PDE10A: variants seen among roughly 807,000 people sequenced by gnomAD.
The protein encoded by PDE10A is cAMP and cAMP-inhibited cGMP 3',5'-cyclic phosphodiesterase 10A.
Under a neutral mutation model 97.7 loss-of-function variants are expected in PDE10A, and 39 were observed. The ratio of observed to expected loss-of-function variants is 0.40; its 90% CI spans 0.31 to 0.52. PDE10A has a LOEUF of 0.52. Ranked by LOEUF, PDE10A falls within the 20% of genes least tolerant of loss-of-function variation. PDE10A has a pLI of 0.56. For missense variants in PDE10A, 731 were observed against 1,047.8 expected (o/e 0.70, Z 4.17); for synonymous variants, 371 against 376.8 (o/e 0.98, Z 0.18).
rs1395311884 is a variant in PDE10A, at chr6:165,396,606, C to T, written c.2077-147G>A. The stretch of plus-strand genomic sequence containing the variant: ...ATTATTATCCGTATTTCCATATGCA[C>T]TGGGATGTGCAGACATGACTTTGCA... On this transcript the variant is annotated intron_variant, in intron 13 of 21. Coordinates refer to ENST00000539869, the MANE Select transcript of PDE10A (RefSeq NM_001385079.1). 3 of 710,328 alleles carry T rather than the reference C, an allele frequency of 4.2e-6. No individual in the cohort carries two copies. The African/African-American group carries it at 5.4e-5, about 13-fold the overall frequency. The allele number at this position is 710,328 out of a possible 1,614,324, so 44.0% of individuals were successfully genotyped here.
chr6:165,919,479 C>T (rs1462131250), intron 1 of PDE10A, among the ~76,000 whole-genome samples: 1 of 152,192 alleles, frequency 6.6e-6, no homozygotes, highest in East Asian at 1.9e-4. Context: ...CACTTTCTAG[C>T]CTGGAGTCAG....
intron 1 of PDE10A, among the ~76,000 whole-genome samples, chr6:165,955,091 C>A (rs1337792393): frequency 1.3e-5 from 2 of 152,072 alleles, no homozygotes; most frequent in African/African-American, 2.4e-5. Flanking sequence ...AGCTCCTCCG[C>A]TGCCATCACG....
At chr6:165,598,777 C>T (rs1468929570) in intron 1 of PDE10A, among the ~76,000 whole-genome samples, 1 of 152,126 alleles carries the variant, frequency 6.6e-6, no homozygotes, top group African/African-American at 2.4e-5. Context: ...TATAAATTTT[C>T]AAATAAATTA....
intron 2 of PDE10A, among the ~76,000 whole-genome samples, chr6:165,506,625 G>A (rs958768509): frequency 7.9e-5 from 12 of 152,104 alleles, no homozygotes; most frequent in African/African-American, 2.4e-4. Flanking sequence ...TGGAAGGTAC[G>A]CAATCTCACT....
intron 1 of PDE10A, among the ~76,000 whole-genome samples, chr6:165,904,822 G>A (rs1782218095): frequency 6.6e-6 from 1 of 152,272 alleles, no homozygotes; most frequent in African/African-American, 2.4e-5. Flanking sequence ...TCCAGTGTGA[G>A]TCACATTCAA....
chr6:165,568,833 A>G lies in PDE10A; in HGVS notation c.866-25265T>C, dbSNP rs753312225. 5.3e-4 allele frequency among the ~76,000 whole-genome samples: 80 copies of G among 152,234 alleles called. 1 individual carries two copies. The highest frequency in any genetic ancestry group is 1.8e-4 in the Non-Finnish European group (12 of 68,046). Reference sequence around the variant, plus strand: ...TATCCAAGAATTTGTGAAGAAGGAAAGAGAAATTTATGCTAGTTTTGCTGT... The same window carrying G: ...TATCCAAGAATTTGTGAAGAAGGAAGGAGAAATTTATGCTAGTTTTGCTGT... On this transcript the variant is annotated intron_variant, in intron 1 of 21. Coordinates refer to ENST00000539869, the MANE Select transcript of PDE10A (RefSeq NM_001385079.1).
chr6:165,417,111 A>G (rs1251310117), intron 11 of PDE10A, among the ~76,000 whole-genome samples: 1 of 152,236 alleles, frequency 6.6e-6, no homozygotes, highest in Non-Finnish European at 1.5e-5. Context: ...GGAAATCACC[A>G]TTATTGAAAT....
chr6:165,384,792 T>C (rs536674821), intron 17 of PDE10A, among the ~76,000 whole-genome samples: 1 of 152,290 alleles, frequency 6.6e-6, no homozygotes, highest in East Asian at 1.9e-4. Context: ...TAGATACCAC[T>C]GGCAGCCATA....
intron 18 of PDE10A, among the ~76,000 whole-genome samples, chr6:165,363,887 A>G (rs1783594904): frequency 6.6e-6 from 1 of 152,184 alleles, no homozygotes. Flanking sequence ...AAGTAAGTAA[A>G]TGGAAAAGCA....
At chr6:165,342,352 T>C (rs781771974) in intron 19 of PDE10A, among the ~76,000 whole-genome samples, 1 of 152,252 alleles carries the variant, frequency 6.6e-6, no homozygotes, top group Non-Finnish European at 1.5e-5. Flanking sequence ...TACTTGAGTC[T>C]GATGGTAACT....
Position 165,693,756 on chromosome 6 carries a change from C to T in PDE10A, c.-614-150188G>A, listed in dbSNP as rs116019459. On this transcript the variant is annotated intron_variant, in intron 1 of 19. Transcript: ENST00000366882. ...TACTGTGCTTCCCATATCTTGGCAC[C>T]AGTTACATTCATCTCCGGGTTCATT... Among the ~76,000 whole-genome samples, 1,106 of 152,172 alleles carry T rather than the reference C, an allele frequency of 7.3e-3. 10 individuals carry two copies. Among genetic ancestry groups the T allele is most frequent in the African/African-American group, 0.025 (1,040 of 41,516 alleles).
intron 2 of PDE10A, among the ~76,000 whole-genome samples, chr6:165,510,183 C>G (rs1408400309): frequency 1.3e-5 from 2 of 151,902 alleles, no homozygotes; most frequent in African/African-American, 4.8e-5. Flanking sequence ...TTCAGCTTTC[C>G]CACATTCAGT....
At chr6:165,594,396 C>T (rs1488700753) in intron 1 of PDE10A, among the ~76,000 whole-genome samples, 1 of 152,058 alleles carries the variant, frequency 6.6e-6, no homozygotes, top group East Asian at 1.9e-4. Context: ...ATAAATACAG[C>T]AATAGATTAT....
intron 1 of PDE10A, among the ~76,000 whole-genome samples, chr6:165,879,693 C>T (rs909268150): frequency 3.9e-5 from 6 of 152,176 alleles, no homozygotes; most frequent in Admixed American, 1.3e-4. Flanking sequence ...TAAATTGTCT[C>T]GAGATTACTC....
intron 1 of PDE10A, among the ~76,000 whole-genome samples, chr6:165,560,770 A>G (rs1438621030): frequency 7.2e-5 from 11 of 152,176 alleles, no homozygotes; most frequent in Non-Finnish European, 1.5e-4. Flanking sequence ...GAGAACGTCT[A>G]TGCTTTTGTA....
At chr6:165,886,205 G>A (rs917047848) in intron 1 of PDE10A, among the ~76,000 whole-genome samples, 3 of 152,040 alleles carry the variant, frequency 2.0e-5, no homozygotes, top group Admixed American at 1.3e-4. Context: ...GCAGGCCCTG[G>A]AGCCCTGCAG....
At chr6:165,573,880 G>A (rs1011262535) in intron 1 of PDE10A, among the ~76,000 whole-genome samples, 5 of 152,190 alleles carry the variant, frequency 3.3e-5, no homozygotes, top group African/African-American at 1.2e-4. Context: ...TGACATCAGG[G>A]GAAGACTGTG....
intron 1 of PDE10A, among the ~76,000 whole-genome samples, chr6:165,571,357 C>G (rs189548248): frequency 3.3e-5 from 5 of 152,186 alleles, no homozygotes; most frequent in African/African-American, 4.8e-5. Context: ...GTTGGGAAAC[C>G]TAGGAATTCA....
chr6:165,926,615 C>T (rs972776866), intron 1 of PDE10A, among the ~76,000 whole-genome samples: 2 of 152,304 alleles, frequency 1.3e-5, no homozygotes, highest in African/African-American at 4.8e-5. Context: ...AAGAGAAAAA[C>T]AAGCCAGGCT....
Sources: gnomAD v4.1 joint callset for allele counts (sites outside exome capture counted in the v4.1 genomes callset) on GRCh38, gnomAD v4.1.1 for gene constraint, MANE v1.5 for transcripts, NCBI Gene and HGNC (gene_info 2026-07-23, HGNC 2026-07-21) for gene names.